Variants in SMG9 observed in about 807,000 individuals in gnomAD.
The protein encoded by SMG9 is nonsense-mediated mRNA decay factor SMG9.
Under a neutral mutation model 64.0 loss-of-function variants are expected in SMG9, and 55 were observed. The observed-to-expected ratio is 0.86, with a 90% CI of 0.69 to 1.08. SMG9 has a LOEUF of 1.08. Ranked by LOEUF, SMG9 falls within the 50% of genes least tolerant of loss-of-function variation. SMG9 has a pLI of 0.00. For missense variants in SMG9, 554 were observed against 681.3 expected (o/e 0.81, Z 2.08); for synonymous variants, 244 against 254.8 (o/e 0.96, Z 0.41).
intron 5 of SMG9, 107 bp from the exon 6 acceptor site, chr19:43,744,991 T>C: frequency 2.8e-6 from 2 of 725,038 alleles, no homozygotes; most frequent in South Asian, 1.8e-5. Flanking sequence ...CCTTATCATA[T>C]ATGAAGAGAA....
intron 9 of SMG9, among the ~76,000 whole-genome samples, chr19:43,737,134 A>G (rs1317381965): frequency 1.3e-5 from 2 of 152,294 alleles, no homozygotes; most frequent in Non-Finnish European, 2.9e-5. Flanking sequence ...TTAGCTGGGC[A>G]TGGTGGTGGG....
intron 10 of SMG9, 31 bp downstream of exon 10, chr19:43,734,358 C>T: frequency 1.3e-6 from 2 of 1,518,626 alleles, no homozygotes; most frequent in Non-Finnish European, 1.8e-6. Context: ...TTCCTCCTGC[C>T]CACCCCTCCA....
intron 9 of SMG9, among the ~76,000 whole-genome samples, chr19:43,735,612 C>CT: frequency 1.7e-5 from 1 of 58,762 alleles, no homozygotes; most frequent in Non-Finnish European, 2.9e-5. Flanking sequence ...GAGACTCTGT[C>CT]TCAAAAAAAA....
At chr19:43,752,925 C>T (rs1293846215) in intron 1 of SMG9, among the ~76,000 whole-genome samples, 1 of 115,394 alleles carries the variant, frequency 8.7e-6, no homozygotes, top group Admixed American at 7.9e-5. Context: ...AAGCAGAACC[C>T]TGTCTCAAAA....
Position 43,734,396 on chromosome 19 carries a change from G to C in SMG9, c.1095C>G (p.Pro365=), listed in dbSNP as rs2146362224. 6.4e-7 allele frequency: 1 copy of C among 1,553,634 alleles called. No individual in the cohort carries two copies. Residue 365 remains proline, a synonymous_variant, in exon 10 of 14, where the codon CCC becomes CCG. Transcript: ENST00000270066. ...SGSDEGTEYY[P]HLVFLQNKAR... is the part of the protein sequence containing the mutation. Reference sequence around the variant, plus strand: ...CCCCAGAAAGCCTCTCACCTAGGTGGGGGTAGTACTCGGTGCCTTCATCGG... The same window carrying C: ...CCCCAGAAAGCCTCTCACCTAGGTGCGGGTAGTACTCGGTGCCTTCATCGG...
chr19:43,733,710 G>A lies in SMG9; in HGVS notation c.1126C>T (p.Arg376Ter), dbSNP rs571217482. The change falls in exon 11 of 14, where the codon CGA (arginine) becomes TGA (stop). Residue 376 changes from arginine to a stop codon, truncating the protein, a stop_gained. Coordinates refer to ENST00000270066, the MANE Select transcript of SMG9 (RefSeq NM_019108.4). LOFTEE classifies it high-confidence loss of function. Reference sequence around the variant, plus strand: ...AGCTTCCGAGGACAGAAGTCCTCTCGGCGAGCTTTGTTCTGCAAGAAGACT... The same window carrying A: ...AGCTTCCGAGGACAGAAGTCCTCTCAGCGAGCTTTGTTCTGCAAGAAGACT... ...HLVFLQNKAR[R>*]EDFCPRKLRQ... The A allele has an allele frequency of 1.1e-5, 18 of 1,614,112 alleles. No individual in the cohort carries two copies. The highest frequency in any genetic ancestry group is 1.3e-5 in the Non-Finnish European group (15 of 1,180,008).
intron 10 of SMG9, chr19:43,734,137 C>T: frequency 1.8e-6 from 1 of 550,610 alleles, no homozygotes; most frequent in Middle Eastern, 4.8e-4. Context: ...CAGAAATAGG[C>T]AGACCTGGGG....
Position 43,733,467 on chromosome 19 carries a change from G to A in SMG9, c.1211-15C>T, listed in dbSNP as rs1430454039. On this transcript the variant is annotated splice_polypyrimidine_tract_variant and intron_variant, in intron 11 of 13. Transcript: ENST00000270066. Reference sequence around the variant, plus strand: ...GGACAGAGTTCCTGGAGGAGAAAACGCTTCAGCCTTCAGGTACCATGTTGT... The same window carrying A: ...GGACAGAGTTCCTGGAGGAGAAAACACTTCAGCCTTCAGGTACCATGTTGT... The A allele has an allele frequency of 4.3e-6, 7 of 1,613,692 alleles. No individual in the cohort carries two copies. The highest frequency in any genetic ancestry group is 2.2e-5 in the East Asian group (1 of 44,888).
chr19:43,733,465 A>C lies in SMG9; in HGVS notation c.1211-13T>G. On this transcript the variant is annotated splice_polypyrimidine_tract_variant and intron_variant, in intron 11 of 13. Transcript: ENST00000270066. Reference sequence around the variant, plus strand: ...ATGGACAGAGTTCCTGGAGGAGAAAACGCTTCAGCCTTCAGGTACCATGTT... The same window carrying C: ...ATGGACAGAGTTCCTGGAGGAGAAACCGCTTCAGCCTTCAGGTACCATGTT... The C allele has an allele frequency of 6.2e-7, 1 of 1,613,676 alleles. No homozygotes were observed. Among genetic ancestry groups the C allele is most frequent in the South Asian group, 1.1e-5 (1 of 91,064 alleles).
At chr19:43,744,598 C>T (rs568802166) in intron 6 of SMG9, among the ~76,000 whole-genome samples, 174 bp downstream of exon 6, 3 of 152,162 alleles carry the variant, frequency 2.0e-5, no homozygotes, top group Non-Finnish European at 4.4e-5. Context: ...TGGAGCTACA[C>T]AGATTTAGTC....
intron 2 of SMG9, 116 bp downstream of exon 2, chr19:43,750,476 G>A: frequency 8.6e-7 from 1 of 1,159,524 alleles, no homozygotes; most frequent in South Asian, 1.5e-5. Flanking sequence ...TTATCCATGA[G>A]GGTGGTAGGT....
intron 13 of SMG9, 39 bp downstream of exon 13, chr19:43,732,819 G>C: frequency 1.2e-6 from 2 of 1,612,524 alleles, no homozygotes; most frequent in Non-Finnish European, 1.7e-6. Flanking sequence ...CACCAGGGTG[G>C]GGTGCCTCAA....
chr19:43,750,247 T>C (rs747532258), intron 2 of SMG9: 1 of 543,646 alleles, frequency 1.8e-6, no homozygotes, highest in Non-Finnish European at 3.6e-6. Flanking sequence ...ATTGCAGCCA[T>C]CCTGGCCTCC....
At chr19:43,743,137 T>TG (rs1968893108) in intron 6 of SMG9, among the ~76,000 whole-genome samples, 1 of 151,694 alleles carries the variant, frequency 6.6e-6, no homozygotes, top group African/African-American at 2.4e-5. Context: ...GAGTTGATAC[T>TG]GAAGTCTACC....
chr19:43,751,009 G>A lies in SMG9; in HGVS notation c.-6-262C>T, dbSNP rs188018699. On this transcript the variant is annotated intron_variant, in intron 1 of 13. Transcript: ENST00000270066. ...CTGGCTAATTTTTATATTTTTAGTAGAGATGGGGTTTCACCATGTTGGCCA... is the reference window on the plus strand; with the variant it reads ...CTGGCTAATTTTTATATTTTTAGTAAAGATGGGGTTTCACCATGTTGGCCA... Among the ~76,000 whole-genome samples the A allele has an allele frequency of 2.5e-3, 384 of 152,116 alleles. 1 individual carries two copies. The highest frequency in any genetic ancestry group is 8.7e-3 in the African/African-American group (360 of 41,490).
In SMG9 at chr19:43,731,443, T is replaced by C. The variant is rs1334947406; in HGVS notation, c.*153A>G. On this transcript the variant is annotated 3_prime_UTR_variant, in exon 14 of 14. Transcript: ENST00000270066. ...CAACTGAGGGTGGGGGGCCTGGCCCTGGACACCTCATGTCTCTGGGCCGGG... is the reference window on the plus strand; with the variant it reads ...CAACTGAGGGTGGGGGGCCTGGCCCCGGACACCTCATGTCTCTGGGCCGGG... 5 of 1,457,806 alleles carry C rather than the reference T, an allele frequency of 3.4e-6. No homozygotes were observed. In the African/African-American group the frequency reaches 5.7e-5, roughly 17 times the overall value. 90.3% of individuals were successfully genotyped at this position (1,457,806 alleles called of 1,614,324 possible).
At chr19:43,740,025 A>C in intron 7 of SMG9, 82 bp downstream of exon 7, 2 of 994,026 alleles carry the variant, frequency 2.0e-6, no homozygotes, top group Non-Finnish European at 3.2e-6. Flanking sequence ...GAATCCACGC[A>C]GGGTTCTGGC....
In SMG9 at chr19:43,754,941, G is replaced by A. The variant is rs556050432; in HGVS notation, c.-294C>T. ...CGACTCGTCCTGCGCATGCGCTGAG[G>A]GCTGGAGCTCGAGAACTGAATGCGC... On this transcript the variant is annotated 5_prime_UTR_variant, in exon 1 of 14. Coordinates refer to ENST00000270066, the MANE Select transcript of SMG9 (RefSeq NM_019108.4). The A allele has an allele frequency of 1.6e-4, 25 of 152,428 alleles. No individual in the cohort carries two copies. The highest frequency in any genetic ancestry group is 5.8e-4 in the African/African-American group (24 of 41,596). The allele number at this position is 152,428 out of a possible 1,614,324, so 9.4% of individuals were successfully genotyped here. A position where few individuals can be genotyped will look rare whatever the true frequency, so the allele number is the denominator to read the frequency against.
Position 43,738,191 on chromosome 19 carries a change from G to C in SMG9, c.840C>G (p.Asp280Glu). ...GTTTGCGGTCATTATTGATGAGATG[G>C]TCTAGGATAGAAGGGCTCAGGATGG... ...TQPILSPSIL[D>E]HLINNDRKLP... Residue 280 changes from aspartate (D) to glutamate (E), a missense_variant, in exon 8 of 14, where the codon GAC becomes GAG. Coordinates refer to ENST00000270066, the MANE Select transcript of SMG9 (RefSeq NM_019108.4). 1.2e-6 allele frequency: 2 copies of C among 1,614,108 alleles called. No homozygotes were observed. The highest frequency in any genetic ancestry group is 1.7e-6 in the Non-Finnish European group (2 of 1,180,016).
Sources: gnomAD v4.1 joint callset for allele counts (sites outside exome capture counted in the v4.1 genomes callset) on GRCh38, gnomAD v4.1.1 for gene constraint, MANE v1.5 for transcripts, NCBI Gene and HGNC (gene_info 2026-07-23, HGNC 2026-07-21) for gene names.